Variants in CDH4 observed in about 807,000 individuals in gnomAD.
CDH4 encodes the protein cadherin-4.
CDH4 carries 33 observed loss-of-function variants against 86.0 expected under a neutral mutation model. That is an observed-to-expected ratio of 0.38 (90% CI 0.29 to 0.51). The LOEUF is 0.51. Ranked by LOEUF, CDH4 falls within the 20% of genes least tolerant of loss-of-function variation. The probability of loss-of-function intolerance (pLI) is 0.86; values close to 1 mark genes in which losing one functional copy is unlikely to be tolerated. For synonymous variants in CDH4, 555 were observed against 549.4 expected (o/e 1.01, Z -0.14); for missense variants, 1,114 against 1,307.4 (o/e 0.85, Z 2.28).
intron 2 of CDH4, among the ~76,000 whole-genome samples, chr20:61,699,273 C>T (rs1281043193): frequency 1.3e-5 from 2 of 152,040 alleles, no homozygotes; most frequent in Non-Finnish European, 2.9e-5. Context: ...GGCCAGCATG[C>T]GGCCTGGCTG....
intron 6 of CDH4, among the ~76,000 whole-genome samples, chr20:61,870,479 T>A (rs1983755911): frequency 6.6e-6 from 1 of 152,102 alleles, no homozygotes; most frequent in Non-Finnish European, 1.5e-5. Flanking sequence ...GCCCGATCCC[T>A]TCTTCCCTCA....
At chr20:61,878,712 C>T (rs1409016224) in intron 7 of CDH4, among the ~76,000 whole-genome samples, 1 of 152,256 alleles carries the variant, frequency 6.6e-6, no homozygotes, top group African/African-American at 2.4e-5. Flanking sequence ...TTTGTGACCC[C>T]TTGGCCGGAG....
chr20:61,641,297 T>G (rs2087006338), intron 2 of CDH4, among the ~76,000 whole-genome samples: 1 of 152,060 alleles, frequency 6.6e-6, no homozygotes, highest in Non-Finnish European at 1.5e-5. Flanking sequence ...AGGTTGGCCC[T>G]TTTCATCCGC....
chr20:61,608,071 C>G (rs1420612425), intron 2 of CDH4, among the ~76,000 whole-genome samples: 1 of 152,120 alleles, frequency 6.6e-6, no homozygotes, highest in Non-Finnish European at 1.5e-5. Context: ...TCTCCCCCTT[C>G]CATCATTCTC....
intron 7 of CDH4, among the ~76,000 whole-genome samples, chr20:61,887,347 C>T (rs571951698): frequency 6.6e-6 from 1 of 152,334 alleles, no homozygotes; most frequent in East Asian, 1.9e-4. Flanking sequence ...TGCCCTGCCT[C>T]TCGAAATCAA....
intron 2 of CDH4, among the ~76,000 whole-genome samples, chr20:61,301,266 A>C (rs1600847995): frequency 6.6e-6 from 1 of 152,268 alleles, no homozygotes; most frequent in Non-Finnish European, 1.5e-5. Context: ...CTGCTGTGTC[A>C]GGCAGGAACC....
rs1031065847 is a variant in CDH4 at position 61,663,865 on chromosome 20, G to A, written c.170-79698G>A. 1.3e-5 allele frequency among the ~76,000 whole-genome samples: 2 copies of A among 152,126 alleles called. No homozygotes were observed. The highest frequency in any genetic ancestry group is 6.5e-5 in the Admixed American group (1 of 15,280). ...TGGGTCTTCCAGCTCCCTCGAGGCC[G>A]CCCTGGCCCTCCACACTCCCACCGC... On this transcript the variant is annotated intron_variant, in intron 2 of 15. Transcript: ENST00000614565. The surrounding 1 kb of genome is among the most constrained non-coding windows in gnomAD (Gnocchi z 5.0).
Position 61,582,533 on chromosome 20 carries a change from G to T in CDH4, c.170-161030G>T, listed in dbSNP as rs2086437278. Among the ~76,000 whole-genome samples the T allele has an allele frequency of 6.6e-6, 1 of 152,178 alleles. No individual in the cohort carries two copies. Among genetic ancestry groups the T allele is most frequent in the Admixed American group, 6.5e-5 (1 of 15,286 alleles). On this transcript the variant is annotated intron_variant, in intron 2 of 15. Coordinates refer to ENST00000614565, the MANE Select transcript of CDH4 (RefSeq NM_001794.5). The surrounding 1 kb of genome is among the most constrained non-coding windows in gnomAD (Gnocchi z 4.2). Reference sequence around the variant, plus strand: ...CACCAGCAGTTCCCTTTGGCCTGTAGACTTCCCTCCCAGTGCTTCCGGGGA... The same window carrying T: ...CACCAGCAGTTCCCTTTGGCCTGTATACTTCCCTCCCAGTGCTTCCGGGGA...
At position 61,480,710 on chromosome 20, in the gene CDH4, T is replaced by C. The variant is rs551317679; in HGVS notation, c.169+225773T>C. 4.3e-4 allele frequency among the ~76,000 whole-genome samples: 66 copies of C among 152,340 alleles called. No homozygotes were observed. The highest frequency in any genetic ancestry group is 1.5e-3 in the African/African-American group (62 of 41,588). ...ATCCGGGTTGTGCCCTGGTAAGGCG[T>C]TGGAACGGCTGAGGCCTGTGGCCTG... On this transcript the variant is annotated intron_variant, in intron 2 of 15. Transcript: ENST00000614565. The surrounding 1 kb of genome is among the most constrained non-coding windows in gnomAD (Gnocchi z 5.2).
chr20:61,736,341 C>T (rs772981709), intron 2 of CDH4, among the ~76,000 whole-genome samples: 4 of 152,168 alleles, frequency 2.6e-5, no homozygotes, highest in Admixed American at 2.0e-4. Flanking sequence ...GCTCCCCACC[C>T]GAGCCTTCTC....
chr20:61,511,209 C>T (rs552474772), intron 2 of CDH4, among the ~76,000 whole-genome samples: 1 of 152,344 alleles, frequency 6.6e-6, no homozygotes, highest in East Asian at 1.9e-4. Context: ...CATGGAGTAG[C>T]AGGCCTTGCC....
At position 61,709,040 on chromosome 20, in the gene CDH4, C is replaced by T. The variant is rs1026015991; in HGVS notation, c.170-34523C>T. 1.3e-5 allele frequency among the ~76,000 whole-genome samples: 2 copies of T among 152,232 alleles called. No individual in the cohort carries two copies. The highest frequency in any genetic ancestry group is 1.3e-4 in the Admixed American group (2 of 15,284). On this transcript the variant is annotated intron_variant, in intron 2 of 15. Coordinates refer to ENST00000614565, the MANE Select transcript of CDH4 (RefSeq NM_001794.5). This position sits in a 1 kb window ranked among gnomAD's most constrained non-coding sequence, Gnocchi z 4.8. The stretch of plus-strand genomic sequence containing the variant: ...CTACACGGGCAGTGGGGCTGCGGCC[C>T]AGCTCAGGCCTGGCTCATGATGGGA...
At chr20:61,854,877 G>C (rs1982924537) in intron 6 of CDH4, among the ~76,000 whole-genome samples, 2 of 125,284 alleles carry the variant, frequency 1.6e-5, no homozygotes, top group African/African-American at 3.1e-5. Context: ...CCCTTAGCCT[G>C]CCCCAGGGCT....
At chr20:61,659,614 G>C (rs1272235103) in intron 2 of CDH4, among the ~76,000 whole-genome samples, 1 of 150,150 alleles carries the variant, frequency 6.7e-6, no homozygotes, top group Non-Finnish European at 1.5e-5. Context: ...GGAGGCAGGA[G>C]GAGGGTGGGC....
chr20:61,254,341 C>T (rs1200173578), intron 1 of CDH4, among the ~76,000 whole-genome samples: 1 of 152,234 alleles, frequency 6.6e-6, no homozygotes, highest in Non-Finnish European at 1.5e-5. Context: ...CCTCTTTCTC[C>T]TCCCTCCCGG....
chr20:61,413,605 C>A (rs920103414), intron 2 of CDH4, among the ~76,000 whole-genome samples: 1 of 152,192 alleles, frequency 6.6e-6, no homozygotes, highest in Admixed American at 6.5e-5. Flanking sequence ...TGGCTGTTAC[C>A]GCCATTATTG....
Position 61,906,688 on chromosome 20 carries a change from G to A in CDH4, c.1189-3734G>A, listed in dbSNP as rs183633461. 2.3e-3 allele frequency among the ~76,000 whole-genome samples: 349 copies of A among 152,188 alleles called. 4 individuals are homozygous for A. Among genetic ancestry groups the A allele is most frequent in the African/African-American group, 7.4e-3 (308 of 41,534 alleles). The stretch of plus-strand genomic sequence containing the variant: ...GCAGGCTGCTTTGGGGCAAGACGGT[G>A]TCCCCAGCAGAGGGAATGGCCCGGG... On this transcript the variant is annotated intron_variant, in intron 8 of 15. Transcript: ENST00000614565.
intron 2 of CDH4, among the ~76,000 whole-genome samples, chr20:61,427,452 C>T (rs552804905): frequency 7.2e-5 from 11 of 152,122 alleles, no homozygotes; most frequent in African/African-American, 2.7e-4. Context: ...GATTCTGGAT[C>T]TGTGTGCCAT....
chr20:61,710,184 A>C (rs1472522190), intron 2 of CDH4, among the ~76,000 whole-genome samples: 2 of 152,110 alleles, frequency 1.3e-5, no homozygotes, highest in Non-Finnish European at 2.9e-5. Context: ...GTTTTTTCCC[A>C]GCCCAGACTA....
Sources: gnomAD v4.1 joint callset for allele counts (sites outside exome capture counted in the v4.1 genomes callset) on GRCh38, gnomAD v4.1.1 for gene constraint, Gnocchi (gnomAD v3.1) non-coding constraint, MANE v1.5 for transcripts, NCBI Gene and HGNC (gene_info 2026-07-23, HGNC 2026-07-21) for gene names.